Variants in ARHGAP26 observed in about 807,000 individuals in gnomAD.
ARHGAP26 encodes the protein Rho GTPase activating protein 26, also known as rho GTPase-activating protein 26.
Under a neutral mutation model 104.8 loss-of-function variants are expected in ARHGAP26, and 38 were observed. That is an observed-to-expected ratio of 0.36 (90% CI 0.28 to 0.48). The LOEUF (loss-of-function observed/expected upper bound fraction) is 0.48, where lower values mean the gene tolerates loss of function less well. ARHGAP26 is among the 20% of genes least tolerant of loss of function. ARHGAP26 has a pLI of 0.99. For missense variants in ARHGAP26, 704 were observed against 947.9 expected (o/e 0.74, Z 3.38); for synonymous variants, 341 against 340.0 (o/e 1.00, Z -0.03).
chr5:143,159,565 G>C (rs916070286), intron 20 of ARHGAP26, among the ~76,000 whole-genome samples: 1 of 152,108 alleles, frequency 6.6e-6, no homozygotes, highest in Non-Finnish European at 1.5e-5. Flanking sequence ...GCACCACATG[G>C]GGAGCCTAAA....
At chr5:142,930,598 C>T (rs1764575990) in intron 10 of ARHGAP26, among the ~76,000 whole-genome samples, 1 of 151,976 alleles carries the variant, frequency 6.6e-6, no homozygotes, top group South Asian at 2.1e-4. Context: ...TACAACCCCA[C>T]TCCCCTTTCT....
chr5:143,218,079 T>G (rs1003926), intron 22 of ARHGAP26, among the ~76,000 whole-genome samples: 16,335 of 152,254 alleles, frequency 0.11, 1,236 homozygotes, highest in East Asian at 0.21. Context: ...CACCTGTTTT[T>G]GTAAATAAAG....
At chr5:143,193,609 A>C (rs1562586471) in intron 20 of ARHGAP26, among the ~76,000 whole-genome samples, 1 of 152,118 alleles carries the variant, frequency 6.6e-6, no homozygotes, top group Non-Finnish European at 1.5e-5. Flanking sequence ...AAAGTCCAAG[A>C]GTGGTAATGC....
At chr5:142,880,245 C>T (rs1598054963) in intron 4 of ARHGAP26, among the ~76,000 whole-genome samples, 1 of 152,158 alleles carries the variant, frequency 6.6e-6, no homozygotes, top group Non-Finnish European at 1.5e-5. Flanking sequence ...GAGGGCTGGG[C>T]GCAGTGGCTC....
intron 1 of ARHGAP26, among the ~76,000 whole-genome samples, chr5:142,825,333 C>G (rs1767022467): frequency 6.6e-6 from 1 of 152,218 alleles, no homozygotes; most frequent in Non-Finnish European, 1.5e-5. Flanking sequence ...GGAGCCCACT[C>G]AGGAGGTGGC....
chr5:143,210,705 C>G (rs961431388), intron 21 of ARHGAP26, among the ~76,000 whole-genome samples: 8 of 152,250 alleles, frequency 5.3e-5, no homozygotes, highest in African/African-American at 1.7e-4. Flanking sequence ...GCTGGTCCCA[C>G]CTCCCTGTAG....
chr5:143,102,982 A>G (rs1259582414), intron 17 of ARHGAP26, among the ~76,000 whole-genome samples: 1 of 152,044 alleles, frequency 6.6e-6, no homozygotes, highest in African/African-American at 2.4e-5. Context: ...AGTCTGGTGG[A>G]GTCTGCCCAG....
At chr5:142,821,557 T>G (rs182713903) in intron 1 of ARHGAP26, among the ~76,000 whole-genome samples, 6 of 152,176 alleles carry the variant, frequency 3.9e-5, no homozygotes, top group Non-Finnish European at 8.8e-5. Flanking sequence ...CTGGGAATTA[T>G]CATTCCTGGA....
In ARHGAP26 at chr5:142,770,716, C is replaced by T. The variant is rs1338708973; in HGVS notation, c.-46C>T. 13 of 1,147,716 alleles carry T rather than the reference C, an allele frequency of 1.1e-5. No homozygotes were observed. The highest frequency in any genetic ancestry group is 1.4e-5 in the Non-Finnish European group (13 of 929,184). The allele number at this position is 1,147,716 out of a possible 1,614,324, so 71.1% of individuals were successfully genotyped here. A position where few individuals can be genotyped will look rare whatever the true frequency, so the allele number is the denominator to read the frequency against. The stretch of plus-strand genomic sequence containing the variant: ...TGAGTGCTCTGGGCGGCGGGCGGCC[C>T]GGGCCCCGGCGGAGGCGCGCCCCCC... On this transcript the variant is annotated 5_prime_UTR_variant, in exon 1 of 23. Coordinates refer to ENST00000645722, the MANE Select transcript of ARHGAP26 (RefSeq NM_001135608.3).
intron 11 of ARHGAP26, among the ~76,000 whole-genome samples, chr5:142,937,380 AAAG>A (rs1765581993): frequency 6.6e-6 from 1 of 152,344 alleles, no homozygotes; most frequent in South Asian, 2.1e-4. Context: ...ACTAAAATTA[AAAG>A]TAGTGAAAAT....
chr5:142,949,232 G>GAGAGAGAGAGAGAGAGAGAGAGAGAGAGA (rs11369150), intron 11 of ARHGAP26, among the ~76,000 whole-genome samples: 2 of 27,322 alleles, frequency 7.3e-5, no homozygotes, highest in East Asian at 2.8e-3. Flanking sequence ...GAGAGAGAGA[G>GAGAGAGAGAGAGAGAGAGAGAGAGAGAGA]GAGAGAGAGA....
chr5:143,111,532 G>A (rs1275393369), intron 17 of ARHGAP26, among the ~76,000 whole-genome samples: 1 of 152,150 alleles, frequency 6.6e-6, no homozygotes, highest in Non-Finnish European at 1.5e-5. Context: ...GTTATCCCTG[G>A]CTCACAGTAA....
Position 142,955,124 on chromosome 5 carries a change from ACC to A in ARHGAP26, c.1107+23004_1107+23005del, listed in dbSNP as rs869285548. 2.5e-3 allele frequency among the ~76,000 whole-genome samples: 369 copies of A among 149,108 alleles called. 1 individual carries two copies. The highest frequency in any genetic ancestry group is 6.8e-3 in the African/African-American group (278 of 40,714). ...CACACACACACACACACACACACACACCCCCCATCTCTGCACACACACACATA... is the reference window on the plus strand; with the variant it reads ...CACACACACACACACACACACACACACCCCATCTCTGCACACACACACATA... On this transcript the variant is annotated intron_variant, in intron 11 of 22. Transcript: ENST00000645722.
intron 1 of ARHGAP26, among the ~76,000 whole-genome samples, chr5:142,842,219 C>A (rs1770950471): frequency 6.6e-6 from 1 of 152,168 alleles, no homozygotes; most frequent in Non-Finnish European, 1.5e-5. Context: ...CTGCATTCTT[C>A]TGTGGTCACC....
Position 143,066,885 on chromosome 5 carries a change from G to A in ARHGAP26, c.1538+9138G>A, listed in dbSNP as rs548154873. 2.0e-4 allele frequency among the ~76,000 whole-genome samples: 31 copies of A among 152,312 alleles called. No homozygotes were observed. The East Asian group carries it at 6.0e-3, about 29-fold the overall frequency. ...AAAGAGCTGTTCATATCTGGTTTCA[G>A]GTCCTACCTTATTGCAAGTCTCACA... On this transcript the variant is annotated intron_variant, in intron 17 of 22. Coordinates refer to ENST00000645722, the MANE Select transcript of ARHGAP26 (RefSeq NM_001135608.3).
At chr5:142,803,108 T>C (rs1762372964) in intron 1 of ARHGAP26, among the ~76,000 whole-genome samples, 1 of 152,096 alleles carries the variant, frequency 6.6e-6, no homozygotes, top group Non-Finnish European at 1.5e-5. Context: ...GGTGAAAGAA[T>C]GGTTAATTGA....
intron 11 of ARHGAP26, among the ~76,000 whole-genome samples, chr5:142,963,520 T>A (rs1770762921): frequency 6.6e-6 from 1 of 151,998 alleles, no homozygotes; most frequent in Non-Finnish European, 1.5e-5. Context: ...CATCTCTTAT[T>A]TTTTTACTTT....
At chr5:142,953,788 T>G (rs1768768883) in intron 11 of ARHGAP26, among the ~76,000 whole-genome samples, 1 of 152,224 alleles carries the variant, frequency 6.6e-6, no homozygotes, top group African/African-American at 2.4e-5. Flanking sequence ...ATGTAGTGAC[T>G]TGGTATTACC....
intron 4 of ARHGAP26, among the ~76,000 whole-genome samples, chr5:142,880,233 A>G (rs1200988690): frequency 2.0e-5 from 3 of 152,290 alleles, no homozygotes; most frequent in Non-Finnish European, 4.4e-5. Flanking sequence ...ATAAATCACT[A>G]GGAGGGCTGG....
Sources: gnomAD v4.1 joint callset for allele counts (sites outside exome capture counted in the v4.1 genomes callset) on GRCh38, gnomAD v4.1.1 for gene constraint, MANE v1.5 for transcripts, NCBI Gene and HGNC (gene_info 2026-07-23, HGNC 2026-07-21) for gene names.